PHF20: variants seen among roughly 807,000 people sequenced by gnomAD.
PHF20 encodes PHD finger protein 20, also known as glioma-expressed antigen 2.
PHF20 carries 23 observed loss-of-function variants against 113.5 expected under a neutral mutation model. That is an observed-to-expected ratio of 0.20 (90% CI 0.15 to 0.29). The LOEUF is 0.29. PHF20 is among the 10% of genes least tolerant of loss of function. The probability of loss-of-function intolerance (pLI) is 1.00; values close to 1 mark genes in which losing one functional copy is unlikely to be tolerated. For synonymous variants in PHF20, 434 were observed against 457.3 expected, an observed-to-expected ratio of 0.95 and a Z score of 0.65; for missense variants, 943 against 1,219.6, an observed-to-expected ratio of 0.77 and a Z score of 3.38.
intron 2 of PHF20, among the ~76,000 whole-genome samples, chr20:35,804,662 G>A (rs1212466524): frequency 6.6e-6 from 1 of 151,992 alleles, no homozygotes; most frequent in African/African-American, 2.4e-5. Flanking sequence ...GTGAGCCACC[G>A]CTCCTGGCCC....
Position 35,907,540 on chromosome 20 carries a change from T to C in PHF20, c.1562-5709T>C, listed in dbSNP as rs553903473. Among the ~76,000 whole-genome samples, 6 of 152,360 alleles carry C rather than the reference T, an allele frequency of 3.9e-5. No homozygotes were observed. The South Asian group carries it at 1.0e-3, about 26-fold the overall frequency. On this transcript the variant is annotated intron_variant, in intron 10 of 17. Coordinates refer to ENST00000374012, the MANE Select transcript of PHF20 (RefSeq NM_016436.5). ...CCAGCACTGCTTTCCAGGGAAAGAATATTGCAAGCAAGATAATAACAGCTG... is the reference window on the plus strand; with the variant it reads ...CCAGCACTGCTTTCCAGGGAAAGAACATTGCAAGCAAGATAATAACAGCTG...
chr20:35,904,360 C>T (rs545995513), intron 10 of PHF20, among the ~76,000 whole-genome samples: 2 of 145,618 alleles, frequency 1.4e-5, no homozygotes, highest in African/African-American at 5.1e-5. Context: ...TCTTGGCTCA[C>T]TGCAACCTCT....
chr20:35,935,391 G>A (rs2055844574), intron 15 of PHF20, among the ~76,000 whole-genome samples: 1 of 152,086 alleles, frequency 6.6e-6, no homozygotes, highest in Non-Finnish European at 1.5e-5. Flanking sequence ...TTTGAGACAA[G>A]GGTCTCACTC....
chr20:35,808,278 T>C (rs898637030), intron 2 of PHF20, among the ~76,000 whole-genome samples: 3 of 152,164 alleles, frequency 2.0e-5, no homozygotes, highest in African/African-American at 7.2e-5. Context: ...TTTTCCCTTC[T>C]GTGTTCATTG....
At chr20:35,897,653 G>A (rs1200776237) in intron 9 of PHF20, among the ~76,000 whole-genome samples, 2 of 137,582 alleles carry the variant, frequency 1.5e-5, no homozygotes, top group Non-Finnish European at 3.0e-5. Context: ...TGCAAACTCC[G>A]CCTCCTGGGT....
At chr20:35,895,011 C>A (rs575089058) in intron 9 of PHF20, among the ~76,000 whole-genome samples, 1 of 152,102 alleles carries the variant, frequency 6.6e-6, no homozygotes, top group African/African-American at 2.4e-5. Flanking sequence ...GCGCACCATG[C>A]CCAGCTAATT....
At chr20:35,827,388 G>C (rs2042279628) in intron 2 of PHF20, among the ~76,000 whole-genome samples, 1 of 152,196 alleles carries the variant, frequency 6.6e-6, no homozygotes, top group Non-Finnish European at 1.5e-5. Context: ...TCAAATTCTG[G>C]GCTAGCCACG....
At chr20:35,773,974 G>A (rs1347641558) in intron 1 of PHF20, among the ~76,000 whole-genome samples, 1 of 151,794 alleles carries the variant, frequency 6.6e-6, no homozygotes, top group East Asian at 1.9e-4. Flanking sequence ...TATCTTTTAT[G>A]AAGAAAAGAT....
intron 5 of PHF20, among the ~76,000 whole-genome samples, chr20:35,861,909 G>A (rs546022062): frequency 6.6e-6 from 1 of 152,282 alleles, no homozygotes; most frequent in African/African-American, 2.4e-5. Context: ...TGTGCCTAGT[G>A]TGTGCTAGGT....
chr20:35,855,814 C>A (rs1193734156), intron 4 of PHF20, among the ~76,000 whole-genome samples: 2 of 152,072 alleles, frequency 1.3e-5, no homozygotes, highest in Non-Finnish European at 2.9e-5. Context: ...GCTGGGATTG[C>A]AGGTGCCCAC....
chr20:35,783,429 T>C (rs1353096540), intron 1 of PHF20, among the ~76,000 whole-genome samples: 2 of 151,974 alleles, frequency 1.3e-5, no homozygotes, highest in South Asian at 2.1e-4. Context: ...TTTTTTTTTT[T>C]CTTTATGATG....
At chr20:35,899,148 G>T (rs961229359) in intron 9 of PHF20, among the ~76,000 whole-genome samples, 1 of 152,008 alleles carries the variant, frequency 6.6e-6, no homozygotes, top group African/African-American at 2.4e-5. Flanking sequence ...AAATAAACAT[G>T]TTGATTTCTT....
chr20:35,779,235 T>C (rs2041236203), intron 1 of PHF20, among the ~76,000 whole-genome samples: 1 of 151,896 alleles, frequency 6.6e-6, no homozygotes, highest in Non-Finnish European at 1.5e-5. Context: ...CTGGCTTTCA[T>C]CATATTGGCC....
intron 1 of PHF20, among the ~76,000 whole-genome samples, chr20:35,798,573 G>A (rs780949787): frequency 6.6e-6 from 1 of 151,506 alleles, no homozygotes; most frequent in Non-Finnish European, 1.5e-5. Context: ...TCCTGCCTCA[G>A]CCTCCCAGGT....
At chr20:35,811,958 A>G (rs1254598967) in intron 2 of PHF20, among the ~76,000 whole-genome samples, 1 of 150,922 alleles carries the variant, frequency 6.6e-6, no homozygotes, top group Non-Finnish European at 1.5e-5. Context: ...TTTTTTTAAT[A>G]GAGACGGGGT....
chr20:35,790,006 C>T (rs2041510904), intron 1 of PHF20, among the ~76,000 whole-genome samples: 2 of 152,028 alleles, frequency 1.3e-5, no homozygotes, highest in Admixed American at 1.3e-4. Flanking sequence ...AGGCGTCTGC[C>T]ACCATCCCCA....
rs144394347 is a variant in PHF20 at position 35,917,521 on chromosome 20, T to C, written c.1863T>C (p.Phe621=). The change falls in exon 13 of 18, where the codon TTT becomes TTC. Residue 621 remains phenylalanine, a synonymous_variant. Coordinates refer to ENST00000374012, the MANE Select transcript of PHF20 (RefSeq NM_016436.5). The part of the protein sequence containing the change: ...DNLSESSSES[F]LWSDDEYGQD... Reference sequence around the variant, plus strand: ...TGAGTGAGTCCTCTTCTGAGAGCTTTCTCTGGAGTGATGATGAGTATGGCC... The same window carrying C: ...TGAGTGAGTCCTCTTCTGAGAGCTTCCTCTGGAGTGATGATGAGTATGGCC... The C allele has an allele frequency of 9.3e-4, 1,500 of 1,614,082 alleles. 18 individuals carry two copies. The African/African-American group carries it at 0.017, about 18-fold the overall frequency.
rs2056118775 is a variant in PHF20, at chr20:35,948,079, C to G, written c.*452C>G. ...TGTTTGGGCAGCAGGCATCATTTTC[C>G]TTTTCTAGCTTCATAGGAATATTGT... On this transcript the variant is annotated 3_prime_UTR_variant, in exon 18 of 18. Coordinates refer to ENST00000374012, the MANE Select transcript of PHF20 (RefSeq NM_016436.5). The G allele has an allele frequency of 5.9e-6, 1 of 168,608 alleles. No individual in the cohort carries two copies. The highest frequency in any genetic ancestry group is 1.3e-5 in the Non-Finnish European group (1 of 76,772). 10.4% of individuals were successfully genotyped at this position (168,608 alleles called of 1,614,324 possible).
At chr20:35,825,435 C>T (rs1264812082) in intron 2 of PHF20, among the ~76,000 whole-genome samples, 2 of 152,072 alleles carry the variant, frequency 1.3e-5, no homozygotes, top group Non-Finnish European at 2.9e-5. Context: ...AGTTTGCACT[C>T]CCTCCTCAGG....
Sources: allele counts gnomAD v4.1 joint callset (sites outside exome capture counted in the v4.1 genomes callset), GRCh38; gene constraint gnomAD v4.1.1; transcripts MANE v1.5; gene names NCBI Gene and HGNC (gene_info 2026-07-23, HGNC 2026-07-21).